The following CNTN5 variants were observed in gnomAD, a reference collection of about 807,000 sequenced individuals.
CNTN5 encodes the protein contactin 5.
Under a neutral mutation model 129.1 loss-of-function variants are expected in CNTN5, and 77 were observed. That is an observed-to-expected ratio of 0.60 (90% CI 0.50 to 0.72). The LOEUF (loss-of-function observed/expected upper bound fraction) is 0.72. Ranked by LOEUF, CNTN5 falls within the 30% of genes least tolerant of loss-of-function variation. The pLI, the probability that CNTN5 is intolerant of heterozygous loss-of-function variation, is 0.00. For synonymous variants in CNTN5, 509 were observed against 465.6 expected (o/e 1.09, Z -1.20); for missense variants, 1,478 against 1,328.8 (o/e 1.11, Z -1.75).
At chr11:99,168,604 G>C (rs200495635) in intron 1 of CNTN5, among the ~76,000 whole-genome samples, 1 of 52,452 alleles carries the variant, frequency 1.9e-5, no homozygotes, top group African/African-American at 4.9e-5. Flanking sequence ...CAAAACAAAA[G>C]GATAGGAAAT....
intron 3 of CNTN5, among the ~76,000 whole-genome samples, chr11:99,613,243 C>A (rs1444560979): frequency 6.6e-6 from 1 of 152,142 alleles, no homozygotes; most frequent in African/African-American, 2.4e-5. Context: ...ATCATGGGGG[C>A]GGTTTTCCCC....
intron 9 of CNTN5, chr11:100,003,849 T>G (rs2137484995): frequency 6.6e-6 from 1 of 152,296 alleles, no homozygotes; most frequent in Non-Finnish European, 1.5e-5. Flanking sequence ...CTCAAGAAGG[T>G]CTCTGTTTAT....
At chr11:99,649,832 G>T (rs547019059) in intron 3 of CNTN5, among the ~76,000 whole-genome samples, 1 of 151,808 alleles carries the variant, frequency 6.6e-6, no homozygotes, top group South Asian at 2.1e-4. Context: ...GTTATCTGAA[G>T]TATTGCCAAT....
rs77341173 is a variant in CNTN5, at chr11:99,179,904, C to T, written c.-209-145442C>T. ...ATCCTTCAAACATTGAAAAGTCAACCACTATTTTTATTCAGTTTGCGTTTT... is the reference window on the plus strand; with the variant it reads ...ATCCTTCAAACATTGAAAAGTCAACTACTATTTTTATTCAGTTTGCGTTTT... On this transcript the variant is annotated intron_variant, in intron 1 of 24. Transcript: ENST00000524871. Among the ~76,000 whole-genome samples the T allele has an allele frequency of 1.2e-3, 183 of 152,264 alleles. 6 individuals are homozygous for T. The East Asian group carries it at 0.035, about 29-fold the overall frequency.
At chr11:100,062,509 C>G (rs1031401213) in intron 10 of CNTN5, among the ~76,000 whole-genome samples, 9 of 152,158 alleles carry the variant, frequency 5.9e-5, no homozygotes, top group African/African-American at 2.2e-4. Context: ...TACATGCCAG[C>G]AATAGAGCCT....
chr11:99,655,970 A>T (rs1024512300), intron 3 of CNTN5, among the ~76,000 whole-genome samples: 2 of 152,120 alleles, frequency 1.3e-5, no homozygotes, highest in Non-Finnish European at 2.9e-5. Context: ...ATATATACAC[A>T]TATATGCATG....
At chr11:99,518,736 T>C (rs948951296) in intron 2 of CNTN5, among the ~76,000 whole-genome samples, 1 of 152,066 alleles carries the variant, frequency 6.6e-6, no homozygotes, top group African/African-American at 2.4e-5. Context: ...TTTGAAATCA[T>C]TCCTAATATC....
At chr11:99,365,334 T>C (rs911977170) in intron 2 of CNTN5, among the ~76,000 whole-genome samples, 7 of 152,208 alleles carry the variant, frequency 4.6e-5, no homozygotes, top group Non-Finnish European at 8.8e-5. Context: ...TGAGTTAACA[T>C]TGTTCAAACA....
intron 4 of CNTN5, among the ~76,000 whole-genome samples, chr11:99,834,937 T>C (rs377552630): frequency 2.6e-4 from 40 of 152,232 alleles, no homozygotes; most frequent in African/African-American, 9.2e-4. Flanking sequence ...CTTGTTTTCC[T>C]AATGTAAAGC....
chr11:99,683,251 A>G (rs1427069634), intron 3 of CNTN5, among the ~76,000 whole-genome samples: 3 of 151,898 alleles, frequency 2.0e-5, no homozygotes, highest in Non-Finnish European at 4.4e-5. Context: ...GCCCTGTGTT[A>G]TTTTATGGAA....
chr11:99,823,987 A>G (rs1197575208), intron 4 of CNTN5, among the ~76,000 whole-genome samples: 2 of 151,982 alleles, frequency 1.3e-5, no homozygotes, highest in African/African-American at 2.4e-5. Context: ...GTATCTTGGT[A>G]TCTTCAGTTC....
At chr11:99,661,410 A>C (rs1394415550) in intron 3 of CNTN5, among the ~76,000 whole-genome samples, 1 of 152,208 alleles carries the variant, frequency 6.6e-6, no homozygotes, top group African/African-American at 2.4e-5. Flanking sequence ...AATTAGTATA[A>C]AGTGCCTGTG....
intron 2 of CNTN5, among the ~76,000 whole-genome samples, chr11:99,513,753 C>G (rs1454141898): frequency 6.6e-6 from 1 of 151,518 alleles, no homozygotes; most frequent in Non-Finnish European, 1.5e-5. Context: ...AGATTCCTTT[C>G]AAAATATTAC....
At chr11:100,064,985 A>G (rs1050375077) in intron 10 of CNTN5, among the ~76,000 whole-genome samples, 1 of 152,114 alleles carries the variant, frequency 6.6e-6, no homozygotes, top group Non-Finnish European at 1.5e-5. Context: ...TTAAATGTGT[A>G]TCATGTGCGT....
intron 1 of CNTN5, among the ~76,000 whole-genome samples, chr11:99,225,142 A>G (rs1398227581): frequency 6.6e-6 from 1 of 152,192 alleles, no homozygotes; most frequent in Admixed American, 6.5e-5. Context: ...CAAATAAAAA[A>G]TGAAAGAGGT....
intron 1 of CNTN5, among the ~76,000 whole-genome samples, chr11:99,059,973 C>A (rs1251994747): frequency 6.6e-6 from 1 of 151,966 alleles, no homozygotes; most frequent in Non-Finnish European, 1.5e-5. Context: ...AATTCAAATG[C>A]AATTTCATAG....
intron 4 of CNTN5, among the ~76,000 whole-genome samples, chr11:99,830,586 TGG>T (rs2135604114): frequency 6.6e-6 from 1 of 152,238 alleles, no homozygotes; most frequent in East Asian, 1.9e-4. Flanking sequence ...AATTCTCTCT[TGG>T]AGGGGGAAAT....
chr11:99,280,438 C>A (rs546093919), intron 1 of CNTN5, among the ~76,000 whole-genome samples: 1 of 151,550 alleles, frequency 6.6e-6, no homozygotes, highest in African/African-American at 2.4e-5. Flanking sequence ...AATGCCAAAA[C>A]CAAACCTCAA....
At chr11:100,199,889 G>A (rs989493282) in intron 15 of CNTN5, among the ~76,000 whole-genome samples, 15 of 151,940 alleles carry the variant, frequency 9.9e-5, no homozygotes, top group African/African-American at 2.4e-4. Context: ...CCATAAAACA[G>A]CCATTCAGCT....
Sources: allele counts gnomAD v4.1 joint callset (sites outside exome capture counted in the v4.1 genomes callset), GRCh38; gene constraint gnomAD v4.1.1; transcripts MANE v1.5; gene names NCBI Gene and HGNC (gene_info 2026-07-23, HGNC 2026-07-21).